Variants in FGD3 observed in about 807,000 individuals in gnomAD.
The protein encoded by FGD3 is FYVE, RhoGEF and PH domain-containing protein 3.
In FGD3, 45 loss-of-function variants were observed where a neutral mutation model predicts 71.8. The observed-to-expected ratio is 0.63, with a 90% CI of 0.49 to 0.80. The LOEUF (loss-of-function observed/expected upper bound fraction) is 0.80. Ranked by LOEUF, FGD3 falls within the 30% of genes least tolerant of loss-of-function variation. The pLI is 0.00. For missense variants in FGD3, 844 were observed against 951.5 expected, an observed-to-expected ratio of 0.89 and a Z score of 1.49; for synonymous variants, 378 against 392.8, an observed-to-expected ratio of 0.96 and a Z score of 0.44.
intron 1 of FGD3, among the ~76,000 whole-genome samples, chr9:92,955,209 TGA>T (rs1253910736): frequency 1.3e-5 from 2 of 152,144 alleles, no homozygotes; most frequent in African/African-American, 2.4e-5. Context: ...AGCTTTACTG[TGA>T]GTCACTTGTA....
At chr9:92,970,671 CTG>C (rs1336413249) in intron 1 of FGD3, among the ~76,000 whole-genome samples, 2 of 152,228 alleles carry the variant, frequency 1.3e-5, no homozygotes, top group African/African-American at 2.4e-5. Context: ...TGACACATGA[CTG>C]TGTTGCATTC....
chr9:93,022,526 C>T (rs1195182261), intron 14 of FGD3, 137 bp downstream of exon 14: 1 of 826,450 alleles, frequency 1.2e-6, no homozygotes, highest in East Asian at 2.7e-5. Context: ...GGCCAGTCTG[C>T]CCTGCTCACT....
At chr9:92,952,439 G>A (rs550672479) in intron 1 of FGD3, among the ~76,000 whole-genome samples, 152 of 151,848 alleles carry the variant, frequency 1.0e-3, no homozygotes, top group African/African-American at 3.3e-3. Flanking sequence ...GGGTTTCACC[G>A]TGTTAGCCAG....
chr9:93,000,284 T>G (rs1186505413), intron 3 of FGD3, among the ~76,000 whole-genome samples: 1 of 152,224 alleles, frequency 6.6e-6, no homozygotes, highest in Non-Finnish European at 1.5e-5. Flanking sequence ...CATATAGATT[T>G]AAATGTTTAA....
chr9:93,022,264 C>G (rs1861948031), intron 13 of FGD3, 63 bp from the exon 14 acceptor site: 2 of 1,535,498 alleles, frequency 1.3e-6, no homozygotes, highest in Non-Finnish European at 1.8e-6. Context: ...AACTGTCCCC[C>G]CGCTGCACAG....
chr9:92,962,147 G>C (rs906428897), intron 1 of FGD3, among the ~76,000 whole-genome samples: 35 of 152,174 alleles, frequency 2.3e-4, no homozygotes, highest in African/African-American at 8.4e-4. Flanking sequence ...AGGACACTTG[G>C]CCTCAGTTCT....
intron 14 of FGD3, among the ~76,000 whole-genome samples, chr9:93,027,562 A>G (rs1194603391): frequency 6.6e-6 from 1 of 151,902 alleles, no homozygotes; most frequent in African/African-American, 2.4e-5. Context: ...AAATATAGTC[A>G]CATTCAGAGT....
rs756731459 is a variant in FGD3 at position 93,003,959 on chromosome 9, G to A, written c.544-42G>A. Reference sequence around the variant, plus strand: ...AAGCGGGGCGGCAACTGTGCTCAGTGGAAGAGGCTCACTGGCCACACGTGG... The same window carrying A: ...AAGCGGGGCGGCAACTGTGCTCAGTAGAAGAGGCTCACTGGCCACACGTGG... On this transcript the variant is annotated intron_variant, in intron 4 of 17. Transcript: ENST00000375482. This position sits in a 1 kb window ranked among gnomAD's most constrained non-coding sequence, Gnocchi z 4.1. The A allele has an allele frequency of 3.1e-6, 5 of 1,611,608 alleles. No individual in the cohort carries two copies. The highest frequency in any genetic ancestry group is 4.2e-6 in the Non-Finnish European group (5 of 1,178,776).
rs11435432 is a variant in FGD3, at chr9:93,009,262, C to CAA, written c.838-973_838-972dup. Among the ~76,000 whole-genome samples, 744 of 148,086 alleles carry CAA rather than the reference C, an allele frequency of 5.0e-3. 3 individuals are homozygous for CAA. Among genetic ancestry groups the CAA allele is most frequent in the African/African-American group, 0.017 (691 of 40,682 alleles). ...CAGGCAACAGAGCGAGACTCCGTCT[C>CAA]AAAAAAAAAAAAGTTTCTTGTAGGG... On this transcript the variant is annotated intron_variant, in intron 6 of 17. Coordinates refer to ENST00000375482, the MANE Select transcript of FGD3 (RefSeq NM_001083536.2).
intron 1 of FGD3, among the ~76,000 whole-genome samples, chr9:92,963,399 G>C (rs530593268): frequency 1.3e-5 from 2 of 152,078 alleles, no homozygotes; most frequent in Non-Finnish European, 2.9e-5. Context: ...TCTGGGGTTC[G>C]AGCGGTCCTC....
intron 15 of FGD3, among the ~76,000 whole-genome samples, chr9:93,030,350 C>G (rs1564172479): frequency 6.6e-6 from 1 of 152,160 alleles, no homozygotes; most frequent in Non-Finnish European, 1.5e-5. Flanking sequence ...TGTGGCTGTG[C>G]TGGAAGCTCC....
intron 6 of FGD3, among the ~76,000 whole-genome samples, chr9:93,008,994 A>G (rs150269310): frequency 0.031 from 4,696 of 151,146 alleles, 261 homozygotes; most frequent in African/African-American, 0.11. Flanking sequence ...GCCAGGCGCG[A>G]TGGCTCACGC....
rs869235976 is a variant in FGD3 at position 93,028,995 on chromosome 9, GTTTTTTT to G, written c.1558-843_1558-837del. ...CATGGCTTCCTCACATGTCCTCACA[GTTTTTTT>G]TTTTTTTTTTTTTTTTTTTTTTTTT... On this transcript the variant is annotated intron_variant, in intron 14 of 17. Coordinates refer to ENST00000375482, the MANE Select transcript of FGD3 (RefSeq NM_001083536.2). Among the ~76,000 whole-genome samples the G allele has an allele frequency of 8.8e-3, 456 of 51,738 alleles. 14 individuals carry two copies. Among genetic ancestry groups the G allele is most frequent in the African/African-American group, 0.027 (408 of 14,956 alleles). 33.9% of individuals were successfully genotyped at this position (51,738 alleles called of 152,430 possible).
At chr9:92,997,042 G>A (rs1860674696) in intron 3 of FGD3, among the ~76,000 whole-genome samples, 1 of 152,004 alleles carries the variant, frequency 6.6e-6, no homozygotes, top group Non-Finnish European at 1.5e-5. Context: ...TGTTAACTTT[G>A]TCTTGTTGAT....
In FGD3 at chr9:92,975,804, C is replaced by T. The variant is rs546678452; in HGVS notation, c.-50+399C>T. On this transcript the variant is annotated intron_variant, in intron 2 of 17. Transcript: ENST00000375482. ...GTGAGGAGGAGGAGGAGGAGGACACCGGCCTCATGTCCTGGGAGTATCAGA... is the reference window on the plus strand; with the variant it reads ...GTGAGGAGGAGGAGGAGGAGGACACTGGCCTCATGTCCTGGGAGTATCAGA... Among the ~76,000 whole-genome samples, 6 of 149,820 alleles carry T rather than the reference C, an allele frequency of 4.0e-5. No individual in the cohort carries two copies. The East Asian group carries it at 1.0e-3, about 26-fold the overall frequency.
intron 3 of FGD3, among the ~76,000 whole-genome samples, chr9:92,980,927 C>T (rs967303445): frequency 2.0e-5 from 3 of 149,286 alleles, no homozygotes; most frequent in African/African-American, 7.4e-5. Context: ...GCCTAGATCC[C>T]GCCACTGTGC....
chr9:92,992,996 T>C (rs1381722155), intron 3 of FGD3, among the ~76,000 whole-genome samples: 1 of 152,180 alleles, frequency 6.6e-6, no homozygotes, highest in African/African-American at 2.4e-5. Flanking sequence ...TCCACACTGC[T>C]CTCTCAATCA....
rs1003711077 is a variant in FGD3, at chr9:93,003,712, C to T, written c.544-289C>T. ...ACGAGAAAGAAAAGGAAGTCTGAACCTTCCATTTCGCATGAGAGGTGGCTG... is the reference window on the plus strand; with the variant it reads ...ACGAGAAAGAAAAGGAAGTCTGAACTTTCCATTTCGCATGAGAGGTGGCTG... On this transcript the variant is annotated intron_variant, in intron 4 of 17. Transcript: ENST00000375482. The surrounding 1 kb of genome is among the most constrained non-coding windows in gnomAD (Gnocchi z 4.1). Among the ~76,000 whole-genome samples the T allele has an allele frequency of 1.3e-5, 2 of 152,188 alleles. No individual in the cohort carries two copies. Among genetic ancestry groups the T allele is most frequent in the Non-Finnish European group, 2.9e-5 (2 of 68,034 alleles).
chr9:92,978,472 C>T (rs1859856113), intron 3 of FGD3, among the ~76,000 whole-genome samples: 1 of 130,602 alleles, frequency 7.7e-6, no homozygotes. Flanking sequence ...GGACAAGAGA[C>T]TGATTAACTT....
Sources: allele counts gnomAD v4.1 joint callset (sites outside exome capture counted in the v4.1 genomes callset), GRCh38; gene constraint gnomAD v4.1.1; non-coding constraint Gnocchi (gnomAD v3.1); transcripts MANE v1.5; gene names NCBI Gene and HGNC (gene_info 2026-07-23, HGNC 2026-07-21).